Variants in GPC6 observed in about 807,000 individuals in gnomAD.
The protein encoded by GPC6 is glypican 6.
GPC6 carries 14 observed loss-of-function variants against 55.2 expected under a neutral mutation model. The ratio of observed to expected loss-of-function variants is 0.25; its 90% CI spans 0.17 to 0.40. The LOEUF is 0.40. Among genes scored for constraint, GPC6 ranks in the 10% least tolerant of loss-of-function variants. GPC6 has a pLI of 1.00. For missense variants in GPC6, 641 were observed against 708.5 expected (o/e 0.90, Z 1.08); for synonymous variants, 278 against 259.6 (o/e 1.07, Z -0.68).
At chr13:94,275,346 AG>A (rs1444177758) in intron 4 of GPC6, among the ~76,000 whole-genome samples, 1 of 152,178 alleles carries the variant, frequency 6.6e-6, no homozygotes, top group Non-Finnish European at 1.5e-5. Flanking sequence ...TTTCTGAGAC[AG>A]GGCATTTAGG....
At chr13:94,182,133 A>T (rs1889018520) in intron 4 of GPC6, among the ~76,000 whole-genome samples, 1 of 152,352 alleles carries the variant, frequency 6.6e-6, no homozygotes, top group Admixed American at 6.5e-5. Context: ...GCAGGCCCTT[A>T]GGCCAAAAAT....
intron 2 of GPC6, among the ~76,000 whole-genome samples, chr13:93,588,303 G>A (rs12869654): frequency 0.16 from 24,931 of 151,980 alleles, 5,102 homozygotes; most frequent in African/African-American, 0.48. Flanking sequence ...AATAAAATTT[G>A]AAAACAAACA....
intron 1 of GPC6, among the ~76,000 whole-genome samples, chr13:93,447,619 T>C (rs1415712293): frequency 2.0e-5 from 3 of 152,190 alleles, no homozygotes; most frequent in African/African-American, 7.2e-5. Context: ...AACTCAAACT[T>C]AAAATGATCA....
intron 3 of GPC6, among the ~76,000 whole-genome samples, chr13:93,887,284 G>C: frequency 6.6e-6 from 1 of 152,002 alleles, no homozygotes; most frequent in Non-Finnish European, 1.5e-5. Flanking sequence ...CTGAAATTTA[G>C]CTTGAATAAA....
chr13:93,376,614 C>T (rs775893064), intron 1 of GPC6, among the ~76,000 whole-genome samples: 4 of 152,108 alleles, frequency 2.6e-5, no homozygotes, highest in African/African-American at 4.8e-5. Context: ...ACAGAACACC[C>T]GACATGATTG....
chr13:94,086,808 T>A (rs1274191122), intron 4 of GPC6, among the ~76,000 whole-genome samples: 2 of 152,170 alleles, frequency 1.3e-5, no homozygotes, highest in African/African-American at 4.8e-5. Context: ...AAAAGCTTTT[T>A]CAGGATAAAA....
chr13:93,380,886 ACTCTATG>A (rs1408776505), intron 1 of GPC6, among the ~76,000 whole-genome samples: 1 of 152,080 alleles, frequency 6.6e-6, no homozygotes, highest in Non-Finnish European at 1.5e-5. Context: ...TTGGTCCCTG[ACTCTATG>A]CTCATTGATT....
chr13:93,710,772 A>T (rs1594390997), intron 2 of GPC6, among the ~76,000 whole-genome samples: 2 of 151,258 alleles, frequency 1.3e-5, no homozygotes, highest in Non-Finnish European at 3.0e-5. Flanking sequence ...TTGAACCATT[A>T]TAATTTTAAG....
intron 3 of GPC6, among the ~76,000 whole-genome samples, chr13:93,990,327 G>A (rs1881239829): frequency 6.6e-6 from 1 of 151,686 alleles, no homozygotes. Context: ...ATTTACACAG[G>A]AGCAAAGAAA....
At chr13:93,272,792 A>G (rs943942667) in intron 1 of GPC6, among the ~76,000 whole-genome samples, 2 of 152,164 alleles carry the variant, frequency 1.3e-5, no homozygotes, top group Non-Finnish European at 2.9e-5. Flanking sequence ...CAGACCCTCT[A>G]TGCCTGTGCC....
intron 1 of GPC6, among the ~76,000 whole-genome samples, chr13:93,399,954 A>T (rs1876008093): frequency 6.6e-6 from 1 of 152,200 alleles, no homozygotes; most frequent in Non-Finnish European, 1.5e-5. Flanking sequence ...TACTGATCAG[A>T]AGTAGGCAAG....
chr13:93,229,838 C>A (rs1239561005), intron 1 of GPC6, among the ~76,000 whole-genome samples: 1 of 152,014 alleles, frequency 6.6e-6, no homozygotes, highest in South Asian at 2.1e-4. Context: ...GGGTCAGAGG[C>A]ACATTTAATA....
chr13:94,022,587 T>C (rs539511542), intron 3 of GPC6, among the ~76,000 whole-genome samples: 1 of 152,112 alleles, frequency 6.6e-6, no homozygotes, highest in Non-Finnish European at 1.5e-5. Flanking sequence ...TTTCATTTCC[T>C]TTGGGTATAT....
intron 4 of GPC6, among the ~76,000 whole-genome samples, chr13:94,167,701 G>A (rs1396174802): frequency 1.3e-5 from 2 of 152,062 alleles, no homozygotes; most frequent in South Asian, 2.1e-4. Context: ...ATATGAGAAG[G>A]GCTGGAAGAT....
rs75426025 is a variant in GPC6, at chr13:93,836,612, A to C, written c.711+6067A>C. Among the ~76,000 whole-genome samples the C allele has an allele frequency of 3.2e-3, 481 of 152,294 alleles. 1 individual carries two copies. Among genetic ancestry groups the C allele is most frequent in the African/African-American group, 0.011 (469 of 41,570 alleles). Reference sequence around the variant, plus strand: ...TTATGAATAATTGGCAAGCCTTTTGAAATTATCAATGATGTTTCTATGCTT... The same window carrying C: ...TTATGAATAATTGGCAAGCCTTTTGCAATTATCAATGATGTTTCTATGCTT... On this transcript the variant is annotated intron_variant, in intron 3 of 8. Coordinates refer to ENST00000377047, the MANE Select transcript of GPC6 (RefSeq NM_005708.5).
intron 2 of GPC6, among the ~76,000 whole-genome samples, chr13:93,695,875 TG>T (rs1882435422): frequency 6.6e-6 from 1 of 152,160 alleles, no homozygotes; most frequent in South Asian, 2.1e-4. Flanking sequence ...CACCCATTTT[TG>T]TTCTTATAGT....
intron 6 of GPC6, among the ~76,000 whole-genome samples, chr13:94,331,656 C>T (rs1877426976): frequency 6.6e-6 from 1 of 152,150 alleles, no homozygotes; most frequent in Non-Finnish European, 1.5e-5. Context: ...CTAAAATGGA[C>T]CCTTCATAAA....
At chr13:93,998,790 G>T (rs1293329163) in intron 3 of GPC6, among the ~76,000 whole-genome samples, 1 of 151,952 alleles carries the variant, frequency 6.6e-6, no homozygotes, top group Non-Finnish European at 1.5e-5. Context: ...ATAATGGAAT[G>T]GCTAAATCAA....
At chr13:93,563,384 CTA>C (rs1566425572) in intron 2 of GPC6, among the ~76,000 whole-genome samples, 1 of 152,068 alleles carries the variant, frequency 6.6e-6, no homozygotes, top group Non-Finnish European at 1.5e-5. Context: ...ACAGTAGTAT[CTA>C]CCAATATCCA....
Sources: gnomAD v4.1 joint callset for allele counts (sites outside exome capture counted in the v4.1 genomes callset) on GRCh38, gnomAD v4.1.1 for gene constraint, MANE v1.5 for transcripts, NCBI Gene and HGNC (gene_info 2026-07-23, HGNC 2026-07-21) for gene names.